The following PRR11 variants were observed in gnomAD, a reference collection of about 807,000 sequenced individuals.
PRR11 encodes proline rich 11, also known as proline-rich protein 11.
PRR11 carries 30 observed loss-of-function variants against 45.6 expected under a neutral mutation model. The ratio of observed to expected loss-of-function variants is 0.66; its 90% CI spans 0.49 to 0.89. The LOEUF (loss-of-function observed/expected upper bound fraction) is 0.89. Ranked by LOEUF, PRR11 falls within the 40% of genes least tolerant of loss-of-function variation. PRR11 has a pLI of 0.00. For missense variants in PRR11, 373 were observed against 424.8 expected (o/e 0.88, Z 1.07); for synonymous variants, 128 against 153.5 (o/e 0.83, Z 1.23).
chr17:59,182,712 A>T (rs977160815), intron 2 of PRR11, among the ~76,000 whole-genome samples: 2 of 151,904 alleles, frequency 1.3e-5, no homozygotes. Flanking sequence ...CACCTTAGTC[A>T]ATCCTATCCC....
intron 1 of PRR11, among the ~76,000 whole-genome samples, chr17:59,159,392 AC>A (rs2046640974): frequency 6.6e-6 from 1 of 152,130 alleles, no homozygotes; most frequent in Non-Finnish European, 1.5e-5. Context: ...TGAACTTCTG[AC>A]TTTGAACATA....
chr17:59,188,942 A>AATAATAATAAT (rs2046827264), intron 4 of PRR11, among the ~76,000 whole-genome samples: 1 of 144,348 alleles, frequency 6.9e-6, no homozygotes. Context: ...TGTGTCTCAA[A>AATAATAATAAT]AATAATAATA....
At position 59,205,873 on chromosome 17, in the gene PRR11, C is replaced by G. The variant is rs565288182; in HGVS notation, c.*4242C>G. On this transcript the variant is annotated 3_prime_UTR_variant, in exon 10 of 10. Transcript: ENST00000262293. ...CCAGCCTGGCCAACATGGTGAAACC[C>G]CGTCTCTACCAAAAAAAATATATAA... 4.9e-5 allele frequency among the ~76,000 whole-genome samples: 7 copies of G among 142,374 alleles called. No individual in the cohort carries two copies. In the East Asian group the frequency reaches 1.0e-3, roughly 21 times the overall value. The allele number at this position is 142,374 out of a possible 152,430, so 93.4% of individuals were successfully genotyped here.
intron 9 of PRR11, among the ~76,000 whole-genome samples, chr17:59,200,744 G>A (rs955214999): frequency 5.3e-5 from 8 of 152,004 alleles, no homozygotes; most frequent in African/African-American, 9.7e-5. Context: ...CACCTGCCTC[G>A]GCCTCCCAAA....
chr17:59,171,209 GC>G (rs1489395016), intron 2 of PRR11, among the ~76,000 whole-genome samples: 2 of 151,788 alleles, frequency 1.3e-5, no homozygotes. Flanking sequence ...CTTGCAGTGA[GC>G]CGAGACAGTG....
At chr17:59,187,291 G>C (rs1231292532) in intron 4 of PRR11, among the ~76,000 whole-genome samples, 1 of 152,014 alleles carries the variant, frequency 6.6e-6, no homozygotes, top group Admixed American at 6.6e-5. Flanking sequence ...AGTGAATCAG[G>C]GGCTGGGCGC....
rs113821903 is a variant in PRR11 at position 59,182,608 on chromosome 17, G to A, written c.129-2446G>A. On this transcript the variant is annotated intron_variant, in intron 2 of 9. Transcript: ENST00000262293. ...GGGTTTCACCATGTTGGCCAGGCTCGTCTTGAACTCCTGACCTCAGGTGAT... is the reference window on the plus strand; with the variant it reads ...GGGTTTCACCATGTTGGCCAGGCTCATCTTGAACTCCTGACCTCAGGTGAT... Among the ~76,000 whole-genome samples the A allele has an allele frequency of 8.7e-3, 1,309 of 151,138 alleles. 26 individuals carry two copies. Among genetic ancestry groups the A allele is most frequent in the African/African-American group, 0.029 (1,198 of 41,168 alleles).
intron 1 of PRR11, among the ~76,000 whole-genome samples, chr17:59,167,966 C>T (rs1253236031): frequency 6.6e-6 from 1 of 152,038 alleles, no homozygotes; most frequent in Non-Finnish European, 1.5e-5. Context: ...GAATGCAGCA[C>T]AGTAGGTCTT....
intron 2 of PRR11, among the ~76,000 whole-genome samples, chr17:59,180,501 T>TTTTTTTTTGTTTTTTTTGTTTTTTTTG (rs57628359): frequency 8.6e-6 from 1 of 116,188 alleles, no homozygotes; most frequent in Non-Finnish European, 1.8e-5. Context: ...TCCTTGTTTT[T>TTTTTTTTTGTTTTTTTTGTTTTTTTTG]TTTTTTTTGT....
intron 2 of PRR11, among the ~76,000 whole-genome samples, chr17:59,175,400 G>A (rs918039066): frequency 6.6e-6 from 1 of 152,246 alleles, no homozygotes; most frequent in African/African-American, 2.4e-5. Context: ...TGAGGCAGGA[G>A]GATCATTTGA....
At chr17:59,179,763 C>T (rs1409413934) in intron 2 of PRR11, 32 of 1,387,884 alleles carry the variant, frequency 2.3e-5, no homozygotes, top group Non-Finnish European at 3.1e-5. Flanking sequence ...TCCTCAGGCT[C>T]AGGGGCGAGC....
At chr17:59,177,152 G>A in intron 2 of PRR11, 1 of 550,852 alleles carries the variant, frequency 1.8e-6, no homozygotes, top group Non-Finnish European at 3.6e-6. Flanking sequence ...ACAGATAGGA[G>A]GAAGCAAACC....
At chr17:59,186,663 G>A (rs1448510075) in intron 4 of PRR11, among the ~76,000 whole-genome samples, 2 of 151,952 alleles carry the variant, frequency 1.3e-5, no homozygotes, top group African/African-American at 4.8e-5. Context: ...CCAAAGTGTT[G>A]GGATTGCAGG....
At position 59,193,406 on chromosome 17, in the gene PRR11, C is replaced by T. The variant is rs1599706342; in HGVS notation, c.403-86C>T. On this transcript the variant is annotated intron_variant, in intron 4 of 9. Coordinates refer to ENST00000262293, the MANE Select transcript of PRR11 (RefSeq NM_018304.4). ...TGGTACGCTGAGAAAGCATTCAATA[C>T]ATGGTAGCTATTATTTTGATGACTC... 1.8e-5 allele frequency: 27 copies of T among 1,500,208 alleles called. No homozygotes were observed. The East Asian group carries it at 6.1e-4, about 34-fold the overall frequency. 92.9% of individuals were successfully genotyped at this position (1,500,208 alleles called of 1,614,324 possible). A position where few individuals can be genotyped will look rare whatever the true frequency, so the allele number is the denominator to read the frequency against.
intron 8 of PRR11, 34 bp from the exon 9 acceptor site, chr17:59,197,659 A>C: frequency 6.2e-7 from 1 of 1,612,046 alleles, no homozygotes; most frequent in East Asian, 2.2e-5. Context: ...GTTGCCATAA[A>C]ATACAGCTAC....
At chr17:59,175,058 C>G (rs1217542041) in intron 2 of PRR11, 16 of 599,974 alleles carry the variant, frequency 2.7e-5, no homozygotes, top group Non-Finnish European at 4.5e-5. Context: ...AGTGGTTCTT[C>G]CCGTACAGGA....
intron 5 of PRR11, 38 bp from the exon 6 acceptor site, chr17:59,194,719 G>A (rs1257545896): frequency 1.3e-6 from 2 of 1,523,372 alleles, no homozygotes; most frequent in Middle Eastern, 1.9e-4. Flanking sequence ...AGTTGTGCTG[G>A]TTCCAATTTG....
At chr17:59,177,659 G>A (rs2046755409) in intron 2 of PRR11, among the ~76,000 whole-genome samples, 1 of 152,058 alleles carries the variant, frequency 6.6e-6, no homozygotes, top group Non-Finnish European at 1.5e-5. Flanking sequence ...GAGAGGCAGG[G>A]GCCACTCATT....
At chr17:59,195,491 T>C in intron 7 of PRR11, 48 bp downstream of exon 7, 1 of 1,281,956 alleles carries the variant, frequency 7.8e-7, no homozygotes, top group Non-Finnish European at 1.1e-6. Context: ...AAAAGAATGA[T>C]ATTGTTGTAC....
Sources: gnomAD v4.1 joint callset for allele counts (sites outside exome capture counted in the v4.1 genomes callset) on GRCh38, gnomAD v4.1.1 for gene constraint, MANE v1.5 for transcripts, NCBI Gene and HGNC (gene_info 2026-07-23, HGNC 2026-07-21) for gene names.